TBK1: variants seen among roughly 807,000 people sequenced by gnomAD.
TBK1 encodes TANK binding kinase 1.
TBK1 carries 37 observed loss-of-function variants against 99.9 expected under a neutral mutation model. The ratio of observed to expected loss-of-function variants is 0.37; its 90% CI spans 0.28 to 0.49. TBK1 has a LOEUF of 0.49. Among genes scored for constraint, TBK1 ranks in the 20% least tolerant of loss-of-function variants. TBK1 has a pLI of 0.98. For missense variants in TBK1, 644 were observed against 872.5 expected, an observed-to-expected ratio of 0.74 and a Z score of 3.30; for synonymous variants, 258 against 279.8, an observed-to-expected ratio of 0.92 and a Z score of 0.78.
Position 64,501,412 on chromosome 12 carries a change from G to A in TBK1, c.*31G>A, listed in dbSNP as rs200639097. The A allele has an allele frequency of 2.7e-4, 433 of 1,608,594 alleles. No homozygotes were observed. The highest frequency in any genetic ancestry group is 3.1e-4 in the Non-Finnish European group (366 of 1,177,804). On this transcript the variant is annotated 3_prime_UTR_variant, in exon 21 of 21. Coordinates refer to ENST00000331710, the MANE Select transcript of TBK1 (RefSeq NM_013254.4). ...TAATAGAAGTTTAAGAAAAGTTTCC[G>A]TTTGCACAAGAAAATAACGCTTGGG...
intron 18 of TBK1, 54 bp downstream of exon 18, chr12:64,497,313 G>A (rs746426213): frequency 4.1e-4 from 514 of 1,246,978 alleles, no homozygotes; most frequent in Non-Finnish European, 5.5e-4. Flanking sequence ...ATAACTGATA[G>A]TGATTGACAA....
intron 11 of TBK1, among the ~76,000 whole-genome samples, chr12:64,487,036 T>C (rs2040827152): frequency 6.6e-6 from 1 of 152,248 alleles, no homozygotes; most frequent in South Asian, 2.1e-4. Context: ...AATATAGTTA[T>C]TCTAGTTCAG....
chr12:64,460,953 C>T (rs1300435246), intron 3 of TBK1, among the ~76,000 whole-genome samples: 4 of 151,072 alleles, frequency 2.6e-5, no homozygotes, highest in African/African-American at 7.3e-5. Context: ...TGGAGGTGTA[C>T]GCCTGTAGTT....
At chr12:64,499,689 T>C (rs1331159090) in intron 20 of TBK1, among the ~76,000 whole-genome samples, 1 of 145,446 alleles carries the variant, frequency 6.9e-6, no homozygotes, top group African/African-American at 2.5e-5. Context: ...ACTATAAAGA[T>C]GTGCTTTTTT....
intron 12 of TBK1, 51 bp from the exon 13 acceptor site, chr12:64,489,990 A>G: frequency 9.2e-7 from 1 of 1,083,808 alleles, no homozygotes; most frequent in East Asian, 2.7e-5. Flanking sequence ...TCTTTTTAAA[A>G]CTATGTATTG....
chr12:64,498,483 A>AT (rs2040952624), intron 20 of TBK1, among the ~76,000 whole-genome samples: 1 of 152,250 alleles, frequency 6.6e-6, no homozygotes. Flanking sequence ...CCTAATAGAT[A>AT]AGGCCAAAGA....
chr12:64,493,003 C>T (rs556821731), intron 13 of TBK1, among the ~76,000 whole-genome samples: 1 of 150,490 alleles, frequency 6.6e-6, no homozygotes, highest in East Asian at 2.0e-4. Flanking sequence ...TCACGCCATT[C>T]TCCTGCCTCA....
At chr12:64,489,627 G>A (rs2040849645) in intron 12 of TBK1, among the ~76,000 whole-genome samples, 1 of 149,748 alleles carries the variant, frequency 6.7e-6, no homozygotes. Context: ...GGAGTGCAGT[G>A]ATGCAATCAC....
At chr12:64,469,710 G>A (rs556547645) in intron 5 of TBK1, among the ~76,000 whole-genome samples, 7 of 152,086 alleles carry the variant, frequency 4.6e-5, no homozygotes, top group Admixed American at 6.5e-5. Flanking sequence ...AAGCTCAAGC[G>A]CGTGTCCTTC....
chr12:64,473,869 A>T (rs2040685432), intron 5 of TBK1, among the ~76,000 whole-genome samples: 1 of 152,136 alleles, frequency 6.6e-6, no homozygotes, highest in African/African-American at 2.4e-5. Flanking sequence ...CCCGGGAAGC[A>T]GAGGTTGCAG....
chr12:64,480,433 C>T (rs745773606), intron 7 of TBK1, among the ~76,000 whole-genome samples: 10 of 152,002 alleles, frequency 6.6e-5, no homozygotes, highest in Non-Finnish European at 1.2e-4. Context: ...TTTGTAATGA[C>T]CTCCATATTG....
intron 18 of TBK1, 144 bp from the exon 19 acceptor site, chr12:64,497,504 T>C: frequency 1.6e-6 from 1 of 612,986 alleles, no homozygotes; most frequent in Non-Finnish European, 2.7e-6. Flanking sequence ...TATTGTATCA[T>C]CGATAGTTTT....
chr12:64,464,685 A>C (rs894066363), intron 4 of TBK1, among the ~76,000 whole-genome samples: 1 of 152,172 alleles, frequency 6.6e-6, no homozygotes, highest in Non-Finnish European at 1.5e-5. Flanking sequence ...CCATAGAATG[A>C]GAAAAAAATG....
intron 12 of TBK1, 42 bp from the exon 13 acceptor site, chr12:64,489,999 T>C (rs981153472): frequency 8.3e-7 from 1 of 1,207,238 alleles, no homozygotes; most frequent in Non-Finnish European, 1.2e-6. Flanking sequence ...AACTATGTAT[T>C]GATTATACTC....
chr12:64,469,164 G>C (rs549360296), intron 5 of TBK1, among the ~76,000 whole-genome samples: 17 of 152,160 alleles, frequency 1.1e-4, no homozygotes, highest in Admixed American at 9.8e-4. Context: ...CTAGATAGCA[G>C]AGGGAAGTAC....
chr12:64,498,060 T>C, intron 20 of TBK1, 21 bp downstream of exon 20: 1 of 1,587,158 alleles, frequency 6.3e-7, no homozygotes. Context: ...CAAAAATAAT[T>C]ACTGTGATTT....
At chr12:64,479,765 T>C (rs2040749870) in intron 6 of TBK1, among the ~76,000 whole-genome samples, 1 of 152,196 alleles carries the variant, frequency 6.6e-6, no homozygotes, top group South Asian at 2.1e-4. Context: ...GATGCTGTTA[T>C]AAAGCACTGT....
chr12:64,472,582 C>G (rs780839296), intron 5 of TBK1, among the ~76,000 whole-genome samples: 5 of 152,168 alleles, frequency 3.3e-5, no homozygotes, highest in Non-Finnish European at 5.9e-5. Flanking sequence ...AACAAAATGT[C>G]CATCAGAATA....
rs200382467 is a variant in TBK1 at position 64,464,476 on chromosome 12, A to G, written c.358+13A>G. The stretch of plus-strand genomic sequence containing the variant: ...TTGCGAGATGTGGGTATGTTTGTTT[A>G]TTTATATGATATCATTTGTATATAA... On this transcript the variant is annotated intron_variant, in intron 4 of 20. Coordinates refer to ENST00000331710, the MANE Select transcript of TBK1 (RefSeq NM_013254.4). 4.9e-5 allele frequency: 75 copies of G among 1,540,252 alleles called. No individual in the cohort carries two copies. In the African/African-American group the frequency reaches 7.2e-4, roughly 15 times the overall value.
Sources: allele counts gnomAD v4.1 joint callset (sites outside exome capture counted in the v4.1 genomes callset), GRCh38; gene constraint gnomAD v4.1.1; transcripts MANE v1.5; gene names NCBI Gene and HGNC (gene_info 2026-07-23, HGNC 2026-07-21).